The following PLB1 variants were observed in gnomAD, a reference collection of about 807,000 sequenced individuals.
PLB1 encodes phospholipase B1, membrane-associated.
In PLB1, 242 loss-of-function variants were observed where a neutral mutation model predicts 227.4. That is an observed-to-expected ratio of 1.06 (90% CI 0.96 to 1.18). The LOEUF (loss-of-function observed/expected upper bound fraction) is 1.18. Among genes scored for constraint, PLB1 ranks in the 50% most tolerant of loss-of-function variants. PLB1 has a pLI of 0.00. For synonymous variants in PLB1, 757 were observed against 682.2 expected (o/e 1.11, Z -1.71); for missense variants, 1,858 against 1,816.3 (o/e 1.02, Z -0.42).
At chr2:28,627,119 GT>G (rs1415241922) in intron 51 of PLB1, among the ~76,000 whole-genome samples, 1 of 152,188 alleles carries the variant, frequency 6.6e-6, no homozygotes, top group Non-Finnish European at 1.5e-5. Context: ...GTGGTCGAAT[GT>G]TTGACAGTCA....
At chr2:28,568,596 A>C (rs1677466724) in intron 20 of PLB1, among the ~76,000 whole-genome samples, 1 of 152,234 alleles carries the variant, frequency 6.6e-6, no homozygotes. Context: ...TTAATCCAGC[A>C]AATATTCCAG....
chr2:28,588,664 C>G (rs1558843937), intron 26 of PLB1, among the ~76,000 whole-genome samples: 1 of 151,978 alleles, frequency 6.6e-6, no homozygotes, highest in Non-Finnish European at 1.5e-5. Flanking sequence ...AGCAGTGACC[C>G]CAAGCAAAAG....
Position 28,563,071 on chromosome 2 carries a change from T to C in PLB1, c.1178T>C (p.Val393Ala). The change falls in exon 18 of 58, where the codon GTA (valine) becomes GCA (alanine). Residue 393 changes from valine (V) to alanine (A), a missense_variant. Coordinates refer to ENST00000327757, the MANE Select transcript of PLB1 (RefSeq NM_153021.5). Reference protein sequence around the residue: ...VHRLKPADINVIGALGDSLTA... With the variant: ...VHRLKPADINAIGALGDSLTA... ...AGGCTGAAGCCGGCTGACATCAACGTAATTGGAGCCCTGGGTGACTCTCTC... is the reference window on the plus strand; with the variant it reads ...AGGCTGAAGCCGGCTGACATCAACGCAATTGGAGCCCTGGGTGACTCTCTC... The C allele has an allele frequency of 6.2e-7, 1 of 1,613,900 alleles. No individual in the cohort carries two copies. The highest frequency in any genetic ancestry group is 8.5e-7 in the Non-Finnish European group (1 of 1,179,854).
chr2:28,625,065 C>T lies in PLB1; in HGVS notation c.3536C>T (p.Pro1179Leu), dbSNP rs1573519855. 1.2e-6 allele frequency: 2 copies of T among 1,613,744 alleles called. No individual in the cohort carries two copies. The highest frequency in any genetic ancestry group is 1.3e-5 in the African/African-American group (1 of 75,046). ...AAEGARARDM[P>L]AQAWDLVERM... ...CTCTACCCCCCACCTAGGGACATGC[C>T]AGCCCAGGCCTGGGACCTGGTAGAG... The change falls in exon 50 of 58, where the codon CCA becomes CTA. Residue 1179 changes from proline (P) to leucine (L), a missense_variant. Transcript: ENST00000327757.
At chr2:28,598,149 C>T in intron 34 of PLB1, 101 bp downstream of exon 34, 4 of 988,224 alleles carry the variant, frequency 4.0e-6, no homozygotes. Flanking sequence ...TGACATCTGC[C>T]TTATGGCCCA....
intron 1 of PLB1, among the ~76,000 whole-genome samples, chr2:28,500,780 T>G (rs1280581268): frequency 1.3e-5 from 2 of 152,172 alleles, no homozygotes; most frequent in African/African-American, 4.8e-5. Flanking sequence ...AGAAATTCAC[T>G]TATGGACTCT....
At chr2:28,519,620 G>A (rs1669252830) in intron 3 of PLB1, 85 bp from the exon 4 acceptor site, 2 of 1,011,030 alleles carry the variant, frequency 2.0e-6, no homozygotes, top group African/African-American at 1.6e-5. Context: ...TGGGGAATGT[G>A]AGTCTCCTCT....
intron 4 of PLB1, among the ~76,000 whole-genome samples, chr2:28,525,022 A>AT (rs996372086): frequency 8.6e-5 from 13 of 151,544 alleles, no homozygotes; most frequent in East Asian, 3.9e-4. Context: ...TAATTTTTGT[A>AT]TTTTTTAGTA....
Position 28,573,266 on chromosome 2 carries a change from A to G in PLB1, c.1394A>G (p.Asn465Ser). The G allele has an allele frequency of 6.2e-7, 1 of 1,614,064 alleles. No homozygotes were observed. Among genetic ancestry groups the G allele is most frequent in the Non-Finnish European group, 8.5e-7 (1 of 1,179,980 alleles). The change falls in exon 21 of 58, where the codon AAT (asparagine) becomes AGT (serine). Residue 465 changes from asparagine (N) to serine (S), a missense_variant. By Grantham distance (46) the Asn-to-Ser change is conservative (BLOSUM62 1). Transcript: ENST00000327757. ...GGCACTGGGAAAGAAACCAGTCCTA[A>G]TGCCTTCTTAAACCAGGCTGTGGCA... ...SVGTGKETSP[N>S]AFLNQAVAGG...
At chr2:28,516,992 T>A in intron 2 of PLB1, 123 bp downstream of exon 2, 2 of 928,796 alleles carry the variant, frequency 2.2e-6, no homozygotes, top group Admixed American at 2.1e-5. Flanking sequence ...CTTGAGGGAA[T>A]GGGCTGGATG....
At chr2:28,518,244 G>A (rs765264687) in intron 2 of PLB1, among the ~76,000 whole-genome samples, 1 of 152,012 alleles carries the variant, frequency 6.6e-6, no homozygotes, top group South Asian at 2.1e-4. Context: ...CTGTTCTGAG[G>A]CATTCTTGCC....
At chr2:28,591,640 T>C (rs1681958435) in intron 30 of PLB1, 60 bp from the exon 31 acceptor site, 1 of 1,546,082 alleles carries the variant, frequency 6.5e-7, no homozygotes, top group Non-Finnish European at 8.9e-7. Flanking sequence ...GTACATCTGA[T>C]AGCCAGTTTT....
At chr2:28,628,263 C>T (rs1017617275) in intron 51 of PLB1, among the ~76,000 whole-genome samples, 4 of 152,158 alleles carry the variant, frequency 2.6e-5, no homozygotes, top group African/African-American at 7.2e-5. Context: ...ATGGGACTGC[C>T]GAGAGCCAAG....
chr2:28,589,374 T>G (rs1474574584), intron 26 of PLB1, 76 bp from the exon 27 acceptor site: 3 of 1,093,848 alleles, frequency 2.7e-6, no homozygotes, highest in Non-Finnish European at 4.2e-6. Context: ...AATTCTGTGT[T>G]GGAGAAAGAG....
chr2:28,612,131 G>A (rs1462717079), intron 43 of PLB1, among the ~76,000 whole-genome samples: 5 of 152,144 alleles, frequency 3.3e-5, no homozygotes, highest in Admixed American at 6.5e-5. Flanking sequence ...GGGCAACAGA[G>A]CAAGACTCCG....
chr2:28,640,599 A>G (rs1371056419), intron 56 of PLB1, among the ~76,000 whole-genome samples: 1 of 152,224 alleles, frequency 6.6e-6, no homozygotes, highest in East Asian at 1.9e-4. Context: ...AAAGGAAGCC[A>G]GAGATGGTCC....
At chr2:28,625,639 C>T (rs1352989635) in intron 50 of PLB1, among the ~76,000 whole-genome samples, 1 of 152,108 alleles carries the variant, frequency 6.6e-6, no homozygotes, top group Non-Finnish European at 1.5e-5. Flanking sequence ...CTTCTCAGTC[C>T]ACGCTGGGCT....
chr2:28,497,368 TTA>T (rs1237117795), intron 1 of PLB1, among the ~76,000 whole-genome samples: 5 of 152,194 alleles, frequency 3.3e-5, no homozygotes, highest in Admixed American at 6.5e-5. Context: ...GAGACATCAC[TTA>T]TGTTTGGCCA....
intron 41 of PLB1, among the ~76,000 whole-genome samples, chr2:28,605,054 A>G (rs886863260): frequency 6.6e-6 from 1 of 152,226 alleles, no homozygotes; most frequent in African/African-American, 2.4e-5. Context: ...CGCATGGAAC[A>G]CAGGTGCAGA....
Sources: allele counts gnomAD v4.1 joint callset (sites outside exome capture counted in the v4.1 genomes callset), GRCh38; gene constraint gnomAD v4.1.1; transcripts MANE v1.5; gene names NCBI Gene and HGNC (gene_info 2026-07-23, HGNC 2026-07-21).